Variants in ABCC4 observed in about 807,000 individuals in gnomAD.
ABCC4 encodes ATP-binding cassette sub-family C member 4.
ABCC4 carries 102 observed loss-of-function variants against 168.5 expected under a neutral mutation model. The observed-to-expected ratio is 0.61, with a 90% CI of 0.52 to 0.71. The LOEUF is 0.71. ABCC4 is among the 30% of genes least tolerant of loss of function. The pLI is 0.00. For synonymous variants in ABCC4, 617 were observed against 590.7 expected, an observed-to-expected ratio of 1.04 and a Z score of -0.65; for missense variants, 1,402 against 1,605.8, an observed-to-expected ratio of 0.87 and a Z score of 2.17.
intron 19 of ABCC4, among the ~76,000 whole-genome samples, chr13:95,142,622 T>G (rs2036356411): frequency 6.6e-6 from 1 of 150,810 alleles, no homozygotes; most frequent in Non-Finnish European, 1.5e-5. Flanking sequence ...AGATCATGAG[T>G]AAACCAGAAA....
intron 20 of ABCC4, chr13:95,096,115 G>A: frequency 3.3e-6 from 2 of 603,148 alleles, no homozygotes; most frequent in South Asian, 4.0e-5. Context: ...TGCTTGAGGA[G>A]GGAGGAGGAT....
intron 13 of ABCC4, among the ~76,000 whole-genome samples, chr13:95,177,312 A>C (rs144437528): frequency 6.6e-6 from 1 of 152,198 alleles, no homozygotes; most frequent in Non-Finnish European, 1.5e-5. Context: ...AAGAGCTGAA[A>C]GACAAGGCTC....
intron 26 of ABCC4, chr13:95,054,070 A>G: frequency 1.0e-5 from 1 of 97,116 alleles, no homozygotes; most frequent in Non-Finnish European, 1.8e-5. Context: ...TTTTGGCCAA[A>G]GGAGATCTAA....
intron 1 of ABCC4, among the ~76,000 whole-genome samples, chr13:95,274,040 T>C (rs1434233091): frequency 6.6e-6 from 1 of 152,182 alleles, no homozygotes; most frequent in Non-Finnish European, 1.5e-5. Context: ...CCCAGCCACA[T>C]GGAACTGTAA....
intron 1 of ABCC4, among the ~76,000 whole-genome samples, chr13:95,273,205 C>G (rs1474320626): frequency 1.3e-5 from 2 of 152,218 alleles, no homozygotes; most frequent in African/African-American, 4.8e-5. Context: ...AGTCGCCAAA[C>G]CAATAGCACA....
intron 20 of ABCC4, among the ~76,000 whole-genome samples, chr13:95,104,420 T>C (rs1388596887): frequency 2.0e-5 from 3 of 152,172 alleles, no homozygotes; most frequent in Non-Finnish European, 4.4e-5. Context: ...GGGTCTGATG[T>C]TGGAGATTTT....
In ABCC4 at chr13:95,214,440, C is replaced by T. The variant is rs549894128; in HGVS notation, c.532-3659G>A. ...AATATTAATTTACATAATGAAGAAT[C>T]TTAGCAAGTTCAATGAAGGACAAAA... On this transcript the variant is annotated intron_variant, in intron 4 of 30. Coordinates refer to ENST00000645237, the MANE Select transcript of ABCC4 (RefSeq NM_005845.5). Among the ~76,000 whole-genome samples the T allele has an allele frequency of 4.6e-5, 7 of 152,132 alleles. No individual in the cohort carries two copies. In the South Asian group the frequency reaches 1.5e-3, roughly 32 times the overall value.
intron 11 of ABCC4, among the ~76,000 whole-genome samples, chr13:95,182,438 C>T (rs934916539): frequency 6.6e-5 from 10 of 152,066 alleles, no homozygotes; most frequent in African/African-American, 1.9e-4. Flanking sequence ...ATTAGGGTAA[C>T]AATATTTTTA....
intron 28 of ABCC4, 74 bp downstream of exon 28, chr13:95,044,192 T>G: frequency 1.5e-6 from 2 of 1,361,172 alleles, no homozygotes; most frequent in Non-Finnish European, 2.0e-6. Context: ...GAAATATTTC[T>G]CAGAATCATT....
intron 19 of ABCC4, among the ~76,000 whole-genome samples, chr13:95,133,108 C>CTTTTTTT (rs761691210): frequency 7.2e-5 from 8 of 110,668 alleles, no homozygotes; most frequent in African/African-American, 1.5e-4. Context: ...GATTTTAAAA[C>CTTTTTTT]TTTTTTTTTT....
chr13:95,205,075 T>C (rs2038742961), intron 8 of ABCC4, among the ~76,000 whole-genome samples: 1 of 152,206 alleles, frequency 6.6e-6, no homozygotes, highest in African/African-American at 2.4e-5. Context: ...GAAAAAAGTG[T>C]TACTGACCTG....
rs1256417918 is a variant in ABCC4 at position 95,096,467 on chromosome 13, C to T, written c.2536-13177G>A. On this transcript the variant is annotated intron_variant, in intron 20 of 30. Coordinates refer to ENST00000645237, the MANE Select transcript of ABCC4 (RefSeq NM_005845.5). ...TTCCAAAATTAAATAAAAATACCAA[C>T]CCATATATTGAAGCTCATTAATCCC... is the stretch of plus-strand genomic sequence containing the variant. 2.0e-5 allele frequency among the ~76,000 whole-genome samples: 3 copies of T among 151,994 alleles called. No individual in the cohort carries two copies. In the East Asian group the frequency reaches 5.8e-4, roughly 29 times the overall value.
intron 1 of ABCC4, among the ~76,000 whole-genome samples, chr13:95,274,903 C>T (rs9590230): frequency 0.085 from 12,852 of 152,044 alleles, 631 homozygotes; most frequent in African/African-American, 0.12. Context: ...ATGGTACAAC[C>T]CTGTCTCTAC....
chr13:95,278,353 G>A (rs1377883478), intron 1 of ABCC4, among the ~76,000 whole-genome samples: 3 of 152,072 alleles, frequency 2.0e-5, no homozygotes, highest in South Asian at 4.1e-4. Flanking sequence ...GGAGTGAAAG[G>A]GGGAGCTTAA....
chr13:95,190,482 G>T (rs1254300562), intron 9 of ABCC4, among the ~76,000 whole-genome samples: 1 of 152,204 alleles, frequency 6.6e-6, no homozygotes, highest in Non-Finnish European at 1.5e-5. Flanking sequence ...GATAGGGATA[G>T]TTTACCAGAG....
chr13:95,066,053 T>C (rs1255647824), intron 25 of ABCC4, among the ~76,000 whole-genome samples: 1 of 152,186 alleles, frequency 6.6e-6, no homozygotes, highest in Non-Finnish European at 1.5e-5. Context: ...ATGAGCAGGA[T>C]TGAGTTTGCG....
At chr13:95,230,061 T>G (rs533194817) in intron 4 of ABCC4, among the ~76,000 whole-genome samples, 1 of 152,226 alleles carries the variant, frequency 6.6e-6, no homozygotes, top group Non-Finnish European at 1.5e-5. Context: ...ATATGACTTG[T>G]GACTGACGAC....
At chr13:95,238,036 A>G (rs2039823054) in intron 3 of ABCC4, among the ~76,000 whole-genome samples, 1 of 151,908 alleles carries the variant, frequency 6.6e-6, no homozygotes, top group South Asian at 2.1e-4. Context: ...CTCTACTAAA[A>G]ACACAAAAAT....
chr13:95,075,647 C>A, intron 21 of ABCC4, 96 bp from the exon 22 acceptor site: 4 of 1,521,062 alleles, frequency 2.6e-6, no homozygotes, highest in Non-Finnish European at 3.6e-6. Flanking sequence ...CCAAACAGCA[C>A]ACGCAGGCCT....
Sources: gnomAD v4.1 joint callset for allele counts (sites outside exome capture counted in the v4.1 genomes callset) on GRCh38, gnomAD v4.1.1 for gene constraint, MANE v1.5 for transcripts, NCBI Gene and HGNC (gene_info 2026-07-23, HGNC 2026-07-21) for gene names.